Variants in DNASE1 observed in about 807,000 individuals in gnomAD.
DNASE1 encodes the protein deoxyribonuclease-1.
A neutral mutation model predicts 33.9 loss-of-function variants in DNASE1; 40 were observed. The observed-to-expected ratio is 1.18, with a 90% CI of 0.92 to 1.54. The LOEUF is 1.54. DNASE1 is among the 40% of genes most tolerant of loss of function. The probability of loss-of-function intolerance (pLI) is 0.00; values close to 1 mark genes in which losing one functional copy is unlikely to be tolerated. For missense variants in DNASE1, 518 were observed against 372.6 expected (o/e 1.39, Z -3.21); for synonymous variants, 216 against 160.0 (o/e 1.35, Z -2.64).
chr16:3,664,490 T>G, exon 10 of DNASE1: 2 of 1,585,048 alleles, frequency 1.3e-6, no homozygotes, highest in Non-Finnish European at 8.6e-7. Context: ...CACCACTTAT[T>G]CCAGGCCCAT....
intron 1 of DNASE1, among the ~76,000 whole-genome samples, chr16:3,616,600 G>T (rs1280254635): frequency 6.6e-6 from 1 of 152,182 alleles, no homozygotes; most frequent in East Asian, 1.9e-4. Flanking sequence ...CAGCCTGGGT[G>T]ATACAGTGAG....
At chr16:3,658,366 TC>T (rs960537030), downstream of DNASE1, 7 of 686,676 alleles carry the variant, frequency 1.0e-5, no homozygotes, top group African/African-American at 1.8e-5. Context: ...CCTCAGGTGA[TC>T]CCCCCGCCTC....
chr16:3,612,119 C>G (rs931230022), intron 1 of DNASE1: 3 of 152,574 alleles, frequency 2.0e-5, no homozygotes, highest in African/African-American at 7.2e-5. Context: ...TTCCGCAGGG[C>G]TAGGGTGAAG....
At position 3,655,030 on chromosome 16, in the gene DNASE1, T is replaced by C. The variant is rs1008823595; in HGVS notation, c.-16T>C. 4.1e-5 allele frequency: 23 copies of C among 556,916 alleles called. No individual in the cohort carries two copies. Among genetic ancestry groups the C allele is most frequent in the Non-Finnish European group, 7.3e-5 (23 of 315,258 alleles). 34.5% of individuals were successfully genotyped at this position (556,916 alleles called of 1,614,324 possible). On this transcript the variant is annotated 5_prime_UTR_variant, in exon 1 of 9. Transcript: ENST00000246949. The stretch of plus-strand genomic sequence containing the variant: ...AGCATTCTCGTCATCTCTGAGGACA[T>C]CACCATCATCTCAGGTGAGCACCAG...
At chr16:3,620,170 C>T (rs998576442) in intron 1 of DNASE1, among the ~76,000 whole-genome samples, 12 of 152,068 alleles carry the variant, frequency 7.9e-5, no homozygotes, top group African/African-American at 1.4e-4. Context: ...CCCGCATCGG[C>T]TTCCCAAAGC....
intron 1 of DNASE1, among the ~76,000 whole-genome samples, chr16:3,634,517 T>C (rs1024306169): frequency 3.9e-5 from 6 of 151,978 alleles, no homozygotes; most frequent in Admixed American, 2.6e-4. Context: ...CATGAGCCAC[T>C]GTGCCTGGCC....
chr16:3,660,096 C>T (rs710891), downstream of DNASE1: 69,790 of 152,046 alleles, frequency 0.46, 19,020 homozygotes, highest in African/African-American at 0.77. Context: ...AAAGGACATT[C>T]TTAATATGCT....
chr16:3,662,108 G>A (rs560228637), downstream of DNASE1: 25 of 1,613,064 alleles, frequency 1.5e-5, no homozygotes, highest in East Asian at 4.7e-4. Context: ...ACCATGGCAG[G>A]GTGGGTGTCC....
intron 1 of DNASE1, among the ~76,000 whole-genome samples, chr16:3,636,657 TA>T (rs1402431854): frequency 6.6e-6 from 1 of 151,498 alleles, no homozygotes; most frequent in African/African-American, 2.4e-5. Context: ...CCGTCTCTAC[TA>T]AAAATAGAAA....
chr16:3,627,450 A>G (rs890243774), intron 1 of DNASE1, among the ~76,000 whole-genome samples: 1 of 150,846 alleles, frequency 6.6e-6, no homozygotes, highest in Non-Finnish European at 1.5e-5. Flanking sequence ...TTTATTTTTT[A>G]TTTTTTTATA....
intron 1 of DNASE1, among the ~76,000 whole-genome samples, chr16:3,620,834 TCTGTCACCCAGG>T (rs1486125216): frequency 6.6e-6 from 1 of 152,060 alleles, no homozygotes; most frequent in African/African-American, 2.4e-5. Flanking sequence ...AGAGTCTTAC[TCTGTCACCCAGG>T]CTGGAGTGCA....
At chr16:3,633,410 C>T (rs2041760716) in intron 1 of DNASE1, among the ~76,000 whole-genome samples, 1 of 152,102 alleles carries the variant, frequency 6.6e-6, no homozygotes, top group Non-Finnish European at 1.5e-5. Flanking sequence ...AGTTTGAGAC[C>T]AGCCTTGCTA....
chr16:3,662,305 G>A (rs1449027836), downstream of DNASE1: 1 of 771,486 alleles, frequency 1.3e-6, no homozygotes, highest in Non-Finnish European at 2.0e-6. Flanking sequence ...TGGGCCCTGA[G>A]CTGATGCCCC....
In DNASE1 at chr16:3,663,477, G is replaced by A. The variant is rs765500192; in HGVS notation, c.*5524G>A. 2.4e-5 allele frequency: 38 copies of A among 1,614,022 alleles called. No individual in the cohort carries two copies. The highest frequency in any genetic ancestry group is 2.0e-4 in the Admixed American group (12 of 59,992). Reference sequence around the variant, plus strand: ...CTTGTAGTGATCCACGACTATGTCCGTCTCCACAGAGATCAGCTTCTTCTT... The same window carrying A: ...CTTGTAGTGATCCACGACTATGTCCATCTCCACAGAGATCAGCTTCTTCTT... On this transcript the variant is annotated 3_prime_UTR_variant, in exon 10 of 10. Transcript: ENST00000407479.
downstream of DNASE1, chr16:3,662,254 C>G (rs1005142623): frequency 1.2e-5 from 15 of 1,205,150 alleles, no homozygotes; most frequent in African/African-American, 2.1e-4. Context: ...CAAGGACTCC[C>G]CTGGACCAGC....
intron 1 of DNASE1, among the ~76,000 whole-genome samples, chr16:3,612,475 TC>T (rs1408545304): frequency 1.3e-5 from 2 of 150,396 alleles, no homozygotes; most frequent in Non-Finnish European, 3.0e-5. Context: ...GGTCTCCAAC[TC>T]CTGACCTCAG....
chr16:3,643,447 G>A (rs1656393938), intron 1 of DNASE1, among the ~76,000 whole-genome samples: 4 of 152,186 alleles, frequency 2.6e-5, no homozygotes, highest in African/African-American at 7.2e-5. Flanking sequence ...CTGCCTCGCC[G>A]GGACAAGCCA....
intron 3 of DNASE1, 56 bp downstream of exon 3, chr16:3,655,993 C>G: frequency 6.2e-7 from 1 of 1,612,592 alleles, no homozygotes; most frequent in Non-Finnish European, 8.5e-7. Context: ...GGCACAGCCT[C>G]ACTTCACTTG....
In DNASE1 at chr16:3,633,249, A is replaced by G. The variant is rs1336822324; in HGVS notation, c.-1358-7466A>G. Among the ~76,000 whole-genome samples the G allele has an allele frequency of 3.3e-5, 5 of 152,224 alleles. 1 individual carries two copies. The highest frequency in any genetic ancestry group is 3.3e-4 in the Admixed American group (5 of 15,272). ...TTCTGCTTTCTCTGGCTTTAATTGA[A>G]CATTTTATATGATTACATTTTTTCC... is the stretch of plus-strand genomic sequence containing the variant. On this transcript the variant is annotated intron_variant and NMD_transcript_variant, in intron 1 of 11. Transcript: ENST00000570769.
Sources: gnomAD v4.1 joint callset for allele counts (sites outside exome capture counted in the v4.1 genomes callset) on GRCh38, gnomAD v4.1.1 for gene constraint, MANE v1.5 for transcripts, NCBI Gene and HGNC (gene_info 2026-07-23, HGNC 2026-07-21) for gene names.